Variants in TAF1B observed in about 807,000 individuals in gnomAD.
The protein encoded by TAF1B is TATA-box binding protein associated factor, RNA polymerase I subunit B, also known as TATA box-binding protein-associated factor RNA polymerase I subunit B.
Under a neutral mutation model 83.9 loss-of-function variants are expected in TAF1B, and 61 were observed. The observed-to-expected ratio is 0.73, with a 90% CI of 0.59 to 0.90. TAF1B has a LOEUF of 0.90. TAF1B is among the 40% of genes least tolerant of loss of function. The pLI, the probability that TAF1B is intolerant of heterozygous loss-of-function variation, is 0.00. For missense variants in TAF1B, 625 were observed against 677.0 expected (o/e 0.92, Z 0.85); for synonymous variants, 221 against 224.6 (o/e 0.98, Z 0.14).
intron 8 of TAF1B, among the ~76,000 whole-genome samples, chr2:9,885,767 T>C (rs1207526964): frequency 6.7e-6 from 1 of 150,334 alleles, no homozygotes; most frequent in African/African-American, 2.5e-5. Flanking sequence ...TGTCCTTCTC[T>C]CCCTTAATCT....
chr2:9,872,294 C>T (rs1343663422), intron 6 of TAF1B, among the ~76,000 whole-genome samples: 1 of 150,728 alleles, frequency 6.6e-6, no homozygotes, highest in Non-Finnish European at 1.5e-5. Context: ...CCACTGCACT[C>T]CAGTCTGGGC....
At chr2:9,855,071 T>C (rs1298060144) in intron 5 of TAF1B, among the ~76,000 whole-genome samples, 1 of 152,198 alleles carries the variant, frequency 6.6e-6, no homozygotes, top group Non-Finnish European at 1.5e-5. Context: ...CTTGGCTCAC[T>C]GCAACCTCTG....
At chr2:9,907,839 C>T (rs1219613354) in intron 9 of TAF1B, among the ~76,000 whole-genome samples, 3 of 151,988 alleles carry the variant, frequency 2.0e-5, no homozygotes, top group African/African-American at 7.3e-5. Context: ...TTCAGGGACA[C>T]TCAGCTGGTA....
Position 9,911,511 on chromosome 2 carries a change from G to T in TAF1B, c.1134G>T (p.Trp378Cys). 6.6e-7 allele frequency: 1 copy of T among 1,511,544 alleles called. No individual in the cohort carries two copies. The highest frequency in any genetic ancestry group is 8.9e-7 in the Non-Finnish European group (1 of 1,123,614). The allele number at this position is 1,511,544 out of a possible 1,614,324, so 93.6% of individuals were successfully genotyped here. The change falls in exon 11 of 15, where the codon TGG (tryptophan) becomes TGT (cysteine). Residue 378 changes from tryptophan to cysteine, a missense_variant and splice_region_variant. Physicochemically the swap from Trp to Cys is radical, Grantham distance 215. Coordinates refer to ENST00000263663, the MANE Select transcript of TAF1B (RefSeq NM_005680.3). The part of the protein sequence containing the change: ...LLFLLDDSFE[W>C]SLSNLAEKHN... ...TTGATTTGTTTATTGTTATCTCCAGGTCTTTGTCTAATCTTGCTGAAAAGC... is the reference window on the plus strand; with the variant it reads ...TTGATTTGTTTATTGTTATCTCCAGTTCTTTGTCTAATCTTGCTGAAAAGC...
At chr2:9,911,011 A>G in intron 10 of TAF1B, 98 bp downstream of exon 10, 2 of 1,174,716 alleles carry the variant, frequency 1.7e-6, no homozygotes, top group Non-Finnish European at 2.4e-6. Flanking sequence ...TTAAAAAAAG[A>G]GCTAAAGAAA....
At position 9,866,489 on chromosome 2, in the gene TAF1B, G is replaced by A. The variant is rs549575229; in HGVS notation, c.400-1787G>A. ...AGGAACACTTTTACACTGTTGGTGG[G>A]ACTGTAAACTAGTTCAACCATTGTG... On this transcript the variant is annotated intron_variant, in intron 5 of 14. Transcript: ENST00000263663. Among the ~76,000 whole-genome samples the A allele has an allele frequency of 7.2e-3, 1,097 of 152,212 alleles. 7 individuals carry two copies. The highest frequency in any genetic ancestry group is 0.011 in the Non-Finnish European group (780 of 68,002).
intron 14 of TAF1B, among the ~76,000 whole-genome samples, chr2:9,924,222 G>A (rs1665970150): frequency 6.6e-6 from 1 of 152,102 alleles, no homozygotes; most frequent in African/African-American, 2.4e-5. Flanking sequence ...GGCTTCAGCT[G>A]GGCAGTAAAA....
chr2:9,880,426 C>CTTTTTTTTTTTTTTTTTTTTTTTTTTT lies in TAF1B; in HGVS notation c.708-2255_708-2254insTTTTTTTTTTTTTTTTTTTTTTTTTTT, dbSNP rs6146620. 2.7e-5 allele frequency among the ~76,000 whole-genome samples: 2 copies of CTTTTTTTTTTTTTTTTTTTTTTTTTTT among 75,006 alleles called. 1 individual carries two copies. Among genetic ancestry groups the CTTTTTTTTTTTTTTTTTTTTTTTTTTT allele is most frequent in the Non-Finnish European group, 4.9e-5 (2 of 40,652 alleles). The allele number at this position is 75,006 out of a possible 152,430, so 49.2% of individuals were successfully genotyped here. ...ATTGTTCAGAACTTTGAGTAAGCAG[C>CTTTTTTTTTTTTTTTTTTTTTTTTTTT]TTTTTTTTTTTTTTTTTTTTTTTTT... On this transcript the variant is annotated intron_variant, in intron 7 of 14. Coordinates refer to ENST00000263663, the MANE Select transcript of TAF1B (RefSeq NM_005680.3).
intron 8 of TAF1B, among the ~76,000 whole-genome samples, chr2:9,891,307 T>C (rs1664867537): frequency 6.6e-6 from 1 of 152,208 alleles, no homozygotes. Context: ...ATACCATATA[T>C]AATTATGTGT....
intron 5 of TAF1B, among the ~76,000 whole-genome samples, chr2:9,867,816 G>A (rs1664039263): frequency 6.6e-6 from 1 of 152,320 alleles, no homozygotes; most frequent in African/African-American, 2.4e-5. Flanking sequence ...ACTGAAGAGT[G>A]GGTTGGAAAG....
chr2:9,906,166 T>C (rs1558260720), intron 9 of TAF1B, among the ~76,000 whole-genome samples: 1 of 152,210 alleles, frequency 6.6e-6, no homozygotes, highest in Non-Finnish European at 1.5e-5. Context: ...TACCAGGGAT[T>C]ATCAAAATAT....
chr2:9,911,446 T>G, intron 10 of TAF1B, 65 bp from the exon 11 acceptor site: 2 of 1,282,270 alleles, frequency 1.6e-6, no homozygotes, highest in Non-Finnish European at 2.2e-6. Context: ...CTCAGAAGAA[T>G]TCAGAATTTA....
At chr2:9,847,678 A>G (rs1471522272) in intron 2 of TAF1B, among the ~76,000 whole-genome samples, 2 of 152,226 alleles carry the variant, frequency 1.3e-5, no homozygotes, top group Non-Finnish European at 2.9e-5. Context: ...AATCTGTTCA[A>G]TTTAGACAAT....
At chr2:9,923,692 A>T (rs63697560) in intron 14 of TAF1B, among the ~76,000 whole-genome samples, 2 of 148,004 alleles carry the variant, frequency 1.4e-5, no homozygotes, top group Non-Finnish European at 3.0e-5. Context: ...AAAAAAAAAA[A>T]TTGATTTAAG....
At chr2:9,877,100 A>G (rs1369884173) in intron 7 of TAF1B, among the ~76,000 whole-genome samples, 1 of 152,132 alleles carries the variant, frequency 6.6e-6, no homozygotes, top group African/African-American at 2.4e-5. Flanking sequence ...TTTTACTATT[A>G]ATTTAAAAAC....
intron 6 of TAF1B, among the ~76,000 whole-genome samples, chr2:9,872,536 C>T (rs1045590847): frequency 3.3e-5 from 5 of 152,078 alleles, no homozygotes; most frequent in African/African-American, 1.2e-4. Flanking sequence ...GACTGCTAAG[C>T]CAATAATCAC....
intron 14 of TAF1B, among the ~76,000 whole-genome samples, chr2:9,920,464 G>A (rs912215079): frequency 2.0e-5 from 3 of 151,792 alleles, no homozygotes; most frequent in Admixed American, 2.0e-4. Context: ...ATGTTTCTGA[G>A]TATGGTTGTG....
At chr2:9,856,714 G>A (rs978205683) in intron 5 of TAF1B, among the ~76,000 whole-genome samples, 1 of 152,080 alleles carries the variant, frequency 6.6e-6, no homozygotes, top group East Asian at 1.9e-4. Flanking sequence ...TTAAAAAAAG[G>A]TTTTTCTAGA....
chr2:9,893,896 GT>G (rs1462557998), intron 8 of TAF1B, among the ~76,000 whole-genome samples: 1 of 152,192 alleles, frequency 6.6e-6, no homozygotes, highest in Non-Finnish European at 1.5e-5. Flanking sequence ...AAGTTGGGTA[GT>G]GGATTCATAG....
Sources: allele counts gnomAD v4.1 joint callset (sites outside exome capture counted in the v4.1 genomes callset), GRCh38; gene constraint gnomAD v4.1.1; transcripts MANE v1.5; gene names NCBI Gene and HGNC (gene_info 2026-07-23, HGNC 2026-07-21).